SLC38A7: variants seen among roughly 807,000 people sequenced by gnomAD.
SLC38A7 encodes solute carrier family 38 member 7, also known as sodium-coupled neutral amino acid transporter 7.
Under a neutral mutation model 50.1 loss-of-function variants are expected in SLC38A7, and 29 were observed. The observed-to-expected ratio is 0.58, with a 90% CI of 0.43 to 0.79. SLC38A7 has a LOEUF of 0.79. SLC38A7 is among the 30% of genes least tolerant of loss of function. The probability of loss-of-function intolerance (pLI) is 0.00; values close to 1 mark genes in which losing one functional copy is unlikely to be tolerated. For synonymous variants in SLC38A7, 244 were observed against 245.9 expected (o/e 0.99, Z 0.07); for missense variants, 483 against 610.6 (o/e 0.79, Z 2.20).
At chr16:58,675,798 C>T in intron 8 of SLC38A7, 142 bp downstream of exon 8, 1 of 635,240 alleles carries the variant, frequency 1.6e-6, no homozygotes, top group Non-Finnish European at 2.7e-6. Flanking sequence ...AGGCTCCAGG[C>T]AGGCCAAGTT....
Position 58,665,779 on chromosome 16 carries a change from TC to T in SLC38A7, c.*1605del, listed in dbSNP as rs1375505287. On this transcript the variant is annotated 3_prime_UTR_variant, in exon 12 of 12. Transcript: ENST00000219320. ...GGAGGTGGGGAGATAGCCTATCTCTTCGCCCTCTCTGGGGTAACAATTCCAG... is the reference window on the plus strand; with the variant it reads ...GGAGGTGGGGAGATAGCCTATCTCTTGCCCTCTCTGGGGTAACAATTCCAG... The T allele has an allele frequency of 2.0e-5, 3 of 152,224 alleles. No homozygotes were observed. Among genetic ancestry groups the T allele is most frequent in the Non-Finnish European group, 4.4e-5 (3 of 68,124 alleles). 9.4% of individuals were successfully genotyped at this position (152,224 alleles called of 1,614,324 possible). A position where few individuals can be genotyped will look rare whatever the true frequency, so the allele number is the denominator to read the frequency against.
Position 58,672,146 on chromosome 16 carries a change from G to C in SLC38A7, c.981C>G (p.Phe327Leu). The change falls in exon 9 of 12, where the codon TTC becomes TTG. Residue 327 changes from phenylalanine to leucine, a missense_variant. By Grantham distance (22) the Phe-to-Leu change is conservative. Coordinates refer to ENST00000219320, the MANE Select transcript of SLC38A7 (RefSeq NM_018231.3). ...AGGAGGTGAGCACGCTCAGGATGAT[G>C]AAGGCTCGGGCAACGGCCACGGCCA... ...EDMAVAVARA[F>L]IILSVLTSYP... is the part of the protein sequence containing the mutation. 2.6e-6 allele frequency: 4 copies of C among 1,563,320 alleles called. No individual in the cohort carries two copies. Among genetic ancestry groups the C allele is most frequent in the Non-Finnish European group, 2.6e-6 (3 of 1,153,894 alleles).
In SLC38A7 at chr16:58,677,319, C is replaced by A. The variant is rs777909106; in HGVS notation, c.710+7G>T. ...TTCCCCATGTCTCCTAGGGCCCTCA[C>A]CCTCACCTGGTCAGGATGTTCCCTG... On this transcript the variant is annotated splice_region_variant and intron_variant, in intron 6 of 11. Coordinates refer to ENST00000219320, the MANE Select transcript of SLC38A7 (RefSeq NM_018231.3). 18 of 1,613,418 alleles carry A rather than the reference C, an allele frequency of 1.1e-5. No individual in the cohort carries two copies. Among genetic ancestry groups the A allele is most frequent in the African/African-American group, 1.3e-5 (1 of 74,886 alleles).
Position 58,675,925 on chromosome 16 carries a change from G to A in SLC38A7, c.883+15C>T, listed in dbSNP as rs372026967. The A allele has an allele frequency of 1.3e-5, 21 of 1,589,176 alleles. No individual in the cohort carries two copies. The highest frequency in any genetic ancestry group is 4.6e-5 in the East Asian group (2 of 43,878). On this transcript the variant is annotated intron_variant, in intron 8 of 11. Transcript: ENST00000219320. ...AGCACTCTAGTCCCAGGTCTTGGGG[G>A]GGGGGAGCACTCACCTGTCCCCATG...
chr16:58,669,985 AAAC>A, intron 11 of SLC38A7, 125 bp downstream of exon 11: 4 of 847,462 alleles, frequency 4.7e-6, no homozygotes, highest in Non-Finnish European at 5.4e-6. Context: ...AAAAAAAAAA[AAAC>A]AAAACAAAAA....
chr16:58,667,475 C>A lies in SLC38A7; in HGVS notation c.1299G>T (p.Leu433=). 1 of 1,609,448 alleles carries A rather than the reference C, an allele frequency of 6.2e-7. No individual in the cohort carries two copies. The highest frequency in any genetic ancestry group is 8.5e-7 in the Non-Finnish European group (1 of 1,178,060). The change falls in exon 12 of 12, where the codon CTG becomes CTT. Residue 433 remains leucine (L), a synonymous_variant. Transcript: ENST00000219320. ...TGACCAAGAGGACTCCGTAGCTGAC[C>A]AGCACCCACCAGCTGTAGAACAGAG... is the stretch of plus-strand genomic sequence containing the variant. The part of the protein sequence containing the change: ...EEVKPASWWV[L]VSYGVLLVTL...
intron 2 of SLC38A7, 189 bp downstream of exon 2, chr16:58,683,765 TG>T (rs1363463461): frequency 3.3e-5 from 5 of 152,456 alleles, no homozygotes; most frequent in Non-Finnish European, 7.3e-5. Context: ...ATGTTTCCCT[TG>T]GGCACCCCTG....
rs1267526922 is a variant in SLC38A7, at chr16:58,678,562, C to A, written c.470-88G>T. On this transcript the variant is annotated intron_variant, in intron 4 of 11. Coordinates refer to ENST00000219320, the MANE Select transcript of SLC38A7 (RefSeq NM_018231.3). The surrounding 1 kb of genome is among the most constrained non-coding windows in gnomAD (Gnocchi z 4.0). ...TGCTGGGCCCCAGGACCTCCCTCTG[C>A]CTGGAGGGAGGATTCCCAGATGAAT... is the stretch of plus-strand genomic sequence containing the variant. 18 of 1,543,550 alleles carry A rather than the reference C, an allele frequency of 1.2e-5. No individual in the cohort carries two copies. The highest frequency in any genetic ancestry group is 1.5e-5 in the Non-Finnish European group (17 of 1,134,784).
Position 58,678,724 on chromosome 16 carries a change from T to G in SLC38A7, c.441A>C (p.Leu147=). 1 of 1,614,010 alleles carries G rather than the reference T, an allele frequency of 6.2e-7. No homozygotes were observed. The highest frequency in any genetic ancestry group is 8.5e-7 in the Non-Finnish European group (1 of 1,179,986). Residue 147 remains leucine (L), a synonymous_variant, in exon 4 of 12, where the codon CTA becomes CTC. Coordinates refer to ENST00000219320, the MANE Select transcript of SLC38A7 (RefSeq NM_018231.3). The surrounding 1 kb of genome is among the most constrained non-coding windows in gnomAD (Gnocchi z 4.0). ...VYTFGTCIAF[L]IIIGDQQDKI... is the part of the protein sequence containing the mutation. ...TGTCCTGCTGGTCGCCAATGATGATTAGGAAGGCAATGCAGGTGCCAAAGG... is the reference window on the plus strand; with the variant it reads ...TGTCCTGCTGGTCGCCAATGATGATGAGGAAGGCAATGCAGGTGCCAAAGG...
intron 9 of SLC38A7, 184 bp from the exon 10 acceptor site, chr16:58,671,428 T>C (rs1190479492): frequency 6.5e-6 from 4 of 612,320 alleles, no homozygotes; most frequent in East Asian, 2.8e-5. Flanking sequence ...AGACGGTGAA[T>C]GTCGAGAGCT....
In SLC38A7 at chr16:58,665,870, G is replaced by C. The variant is rs1407948325; in HGVS notation, c.*1515C>G. 6.6e-6 allele frequency: 1 copy of C among 152,464 alleles called. No individual in the cohort carries two copies. The highest frequency in any genetic ancestry group is 1.5e-5 in the Non-Finnish European group (1 of 68,286). The allele number at this position is 152,464 out of a possible 1,614,324, so 9.4% of individuals were successfully genotyped here. A position where few individuals can be genotyped will look rare whatever the true frequency, so the allele number is the denominator to read the frequency against. ...TGGACGTGCGTTGCTGAGGAGGCTG[G>C]TAAGAGAGCCCCCACTGTCCCCAAT... On this transcript the variant is annotated 3_prime_UTR_variant, in exon 12 of 12. Transcript: ENST00000219320.
chr16:58,671,023 A>G lies in SLC38A7; in HGVS notation c.1231+22T>C. The G allele has an allele frequency of 1.3e-6, 2 of 1,563,818 alleles. 1 individual carries two copies. Among genetic ancestry groups the G allele is most frequent in the Non-Finnish European group, 1.7e-6 (2 of 1,154,856 alleles). On this transcript the variant is annotated intron_variant, in intron 10 of 11. Transcript: ENST00000219320. Reference sequence around the variant, plus strand: ...GGAGTCTGTGCTGTGGGGCTGTGAGATGGGGCGCCAGGGGTCCGCACCTGG... The same window carrying G: ...GGAGTCTGTGCTGTGGGGCTGTGAGGTGGGGCGCCAGGGGTCCGCACCTGG...
chr16:58,681,627 C>T (rs2044389666), intron 2 of SLC38A7: 1 of 152,206 alleles, frequency 6.6e-6, no homozygotes. Context: ...GTTCTGCCGT[C>T]AGAATGCTGA....
rs762960029 is a variant in SLC38A7, at chr16:58,675,923, G to T, written c.883+17C>A. On this transcript the variant is annotated intron_variant, in intron 8 of 11. Transcript: ENST00000219320. ...AGAGCACTCTAGTCCCAGGTCTTGG[G>T]GGGGGGGAGCACTCACCTGTCCCCA... The T allele has an allele frequency of 2.9e-5, 44 of 1,531,368 alleles. No homozygotes were observed. Among genetic ancestry groups the T allele is most frequent in the Admixed American group, 7.3e-5 (4 of 54,748 alleles). The allele number at this position is 1,531,368 out of a possible 1,614,324, so 94.9% of individuals were successfully genotyped here. A position where few individuals can be genotyped will look rare whatever the true frequency, so the allele number is the denominator to read the frequency against.
rs30822 is a variant in SLC38A7 at position 58,665,786 on chromosome 16, C to G, written c.*1599G>C. 0.78 allele frequency: 118,824 copies of G among 152,194 alleles called. 47,322 individuals are homozygous for G. The highest frequency in any genetic ancestry group is 0.94 in the African/African-American group (39,006 of 41,526). 9.4% of individuals were successfully genotyped at this position (152,194 alleles called of 1,614,324 possible). A position where few individuals can be genotyped will look rare whatever the true frequency, so the allele number is the denominator to read the frequency against. On this transcript the variant is annotated 3_prime_UTR_variant, in exon 12 of 12. Transcript: ENST00000219320. ...GGGAGATAGCCTATCTCTTCGCCCT[C>G]TCTGGGGTAACAATTCCAGTGTGAC...
intron 9 of SLC38A7, 98 bp from the exon 10 acceptor site, chr16:58,671,342 G>A: frequency 8.1e-7 from 1 of 1,241,472 alleles, no homozygotes; most frequent in Non-Finnish European, 1.1e-6. Flanking sequence ...AGACTGCGGG[G>A]AAAGCCCCAT....
intron 11 of SLC38A7, among the ~76,000 whole-genome samples, chr16:58,669,258 G>A (rs538176684): frequency 1.3e-5 from 2 of 151,546 alleles, no homozygotes; most frequent in East Asian, 1.9e-4. Context: ...TGGGATTACA[G>A]GCAGGTGCCA....
chr16:58,677,812 G>C (rs941315259), intron 5 of SLC38A7, among the ~76,000 whole-genome samples: 2 of 152,186 alleles, frequency 1.3e-5, no homozygotes, highest in African/African-American at 4.8e-5. Context: ...CCAGAGGTAA[G>C]AGGGTTGAGA....
In SLC38A7 at chr16:58,678,588, G is replaced by A; in HGVS notation, c.469+108C>T. The A allele has an allele frequency of 1.3e-6, 2 of 1,554,996 alleles. No homozygotes were observed. Among genetic ancestry groups the A allele is most frequent in the Non-Finnish European group, 1.8e-6 (2 of 1,140,004 alleles). On this transcript the variant is annotated intron_variant, in intron 4 of 11. Coordinates refer to ENST00000219320, the MANE Select transcript of SLC38A7 (RefSeq NM_018231.3). The surrounding 1 kb of genome is among the most constrained non-coding windows in gnomAD (Gnocchi z 4.0). ...CTGGAGGGAGGATTCCCAGATGAATGCTGGGCCCAGGTAAGTCCTGGAGAG... is the reference window on the plus strand; with the variant it reads ...CTGGAGGGAGGATTCCCAGATGAATACTGGGCCCAGGTAAGTCCTGGAGAG...
Sources: allele counts gnomAD v4.1 joint callset (sites outside exome capture counted in the v4.1 genomes callset), GRCh38; gene constraint gnomAD v4.1.1; non-coding constraint Gnocchi (gnomAD v3.1); transcripts MANE v1.5; gene names NCBI Gene and HGNC (gene_info 2026-07-23, HGNC 2026-07-21).